PHKB: variants seen among roughly 807,000 people sequenced by gnomAD.
The protein encoded by PHKB is phosphorylase b kinase regulatory subunit beta.
A neutral mutation model predicts 152.1 loss-of-function variants in PHKB; 122 were observed. The observed-to-expected ratio is 0.80, with a 90% confidence interval of 0.69 to 0.93. PHKB has a LOEUF of 0.93. Among genes scored for constraint, PHKB ranks in the 40% least tolerant of loss-of-function variants. PHKB has a pLI of 0.00. For synonymous variants in PHKB, 436 were observed against 464.9 expected, an observed-to-expected ratio of 0.94 and a Z score of 0.80; for missense variants, 1,304 against 1,328.4, an observed-to-expected ratio of 0.98 and a Z score of 0.29.
At chr16:47,654,331 G>C (rs929291250) in intron 20 of PHKB, among the ~76,000 whole-genome samples, 35 of 152,154 alleles carry the variant, frequency 2.3e-4, no homozygotes, top group Non-Finnish European at 4.3e-4. Context: ...TGGAGAAATA[G>C]GAACACTTTT....
intron 29 of PHKB, among the ~76,000 whole-genome samples, chr16:47,697,930 C>T (rs1435033763): frequency 6.6e-6 from 1 of 152,140 alleles, no homozygotes. Flanking sequence ...TAAAACATGG[C>T]CATCCCTTGA....
In PHKB at chr16:47,699,486, C is replaced by A; in HGVS notation, c.*120C>A. The A allele has an allele frequency of 8.8e-7, 1 of 1,136,892 alleles. No individual in the cohort carries two copies. Among genetic ancestry groups the A allele is most frequent in the Non-Finnish European group, 1.3e-6 (1 of 746,410 alleles). 70.4% of individuals were successfully genotyped at this position (1,136,892 alleles called of 1,614,324 possible). ...CTGAGCATGCTGGGGAGGTGAATGCCACATCCTTGGCGGGGTTATGGACCT... is the reference window on the plus strand; with the variant it reads ...CTGAGCATGCTGGGGAGGTGAATGCAACATCCTTGGCGGGGTTATGGACCT... On this transcript the variant is annotated 3_prime_UTR_variant, in exon 31 of 31. Transcript: ENST00000323584.
intron 7 of PHKB, among the ~76,000 whole-genome samples, chr16:47,551,905 G>T (rs1304633650): frequency 6.6e-6 from 1 of 152,082 alleles, no homozygotes; most frequent in African/African-American, 2.4e-5. Flanking sequence ...TCCTGTATTG[G>T]GTGCACATAT....
intron 13 of PHKB, chr16:47,598,584 C>T: frequency 3.4e-6 from 3 of 888,546 alleles, no homozygotes; most frequent in Non-Finnish European, 5.3e-6. Flanking sequence ...GTAATATGAA[C>T]ACGCCCTCGA....
At chr16:47,695,003 T>C (rs562422484) in intron 28 of PHKB, among the ~76,000 whole-genome samples, 7 of 152,234 alleles carry the variant, frequency 4.6e-5, no homozygotes, top group Non-Finnish European at 8.8e-5. Flanking sequence ...TTTAATCCGT[T>C]AGACAATTTT....
chr16:47,565,668 T>TG, intron 7 of PHKB: 1 of 1,276,672 alleles, frequency 7.8e-7, no homozygotes, highest in South Asian at 1.2e-5. Context: ...CGACCATCCC[T>TG]GTTCCTGAGT....
In PHKB at chr16:47,542,553, T is replaced by C. The variant is rs1272055226; in HGVS notation, c.595-4880T>C. On this transcript the variant is annotated intron_variant, in intron 6 of 30. Transcript: ENST00000323584. ...TCTGTGAAGAAAGTCCTTGGCAGCT[T>C]GTTAGGGATGGCATTGAATCTATGA... is the stretch of plus-strand genomic sequence containing the variant. 2.6e-5 allele frequency among the ~76,000 whole-genome samples: 4 copies of C among 152,196 alleles called. No homozygotes were observed. In the East Asian group the frequency reaches 7.7e-4, roughly 29 times the overall value.
chr16:47,565,390 C>A, intron 7 of PHKB: 1 of 1,101,040 alleles, frequency 9.1e-7, no homozygotes, highest in Admixed American at 1.7e-5. Context: ...CTACTTTTCC[C>A]CCACCACTTG....
intron 6 of PHKB, among the ~76,000 whole-genome samples, chr16:47,527,852 C>T (rs1970794149): frequency 6.6e-6 from 1 of 152,052 alleles, no homozygotes; most frequent in African/African-American, 2.4e-5. Context: ...AAGGAAAGGC[C>T]ACATGAGGAC....
chr16:47,667,532 C>G (rs953117497), intron 25 of PHKB, among the ~76,000 whole-genome samples: 3 of 152,110 alleles, frequency 2.0e-5, no homozygotes, highest in African/African-American at 7.2e-5. Context: ...ATTTTTATCC[C>G]TGTTTGTTGG....
At chr16:47,663,143 G>A (rs1010045218) in intron 23 of PHKB, among the ~76,000 whole-genome samples, 15 of 152,032 alleles carry the variant, frequency 9.9e-5, no homozygotes, top group South Asian at 2.1e-4. Context: ...TCTTTTTGGC[G>A]CTCTTTCCTG....
chr16:47,683,039 T>C (rs548604448), intron 26 of PHKB, among the ~76,000 whole-genome samples: 3 of 152,352 alleles, frequency 2.0e-5, no homozygotes, highest in East Asian at 1.9e-4. Context: ...CTCCAGACCC[T>C]CTTTGCCTGG....
intron 23 of PHKB, among the ~76,000 whole-genome samples, chr16:47,662,383 G>A (rs775537092): frequency 7.9e-5 from 12 of 152,152 alleles, no homozygotes; most frequent in East Asian, 1.9e-4. Context: ...ACCATGGTCC[G>A]CTTCTGACAT....
chr16:47,687,850 G>A (rs1040013998), intron 26 of PHKB, among the ~76,000 whole-genome samples: 4 of 152,198 alleles, frequency 2.6e-5, no homozygotes, highest in African/African-American at 9.6e-5. Flanking sequence ...ATGTTACCCT[G>A]TGGCTTATGG....
chr16:47,641,502 C>G, intron 15 of PHKB, 97 bp from the exon 16 acceptor site: 2 of 732,442 alleles, frequency 2.7e-6, no homozygotes, highest in Non-Finnish European at 5.0e-6. Flanking sequence ...TAATGCCCTC[C>G]AAGTTAACAT....
intron 27 of PHKB, among the ~76,000 whole-genome samples, chr16:47,691,417 G>A (rs1974057539): frequency 6.6e-6 from 1 of 152,142 alleles, no homozygotes; most frequent in African/African-American, 2.4e-5. Flanking sequence ...AACAAGAGTA[G>A]AGGAAGGCCA....
rs538093429 is a variant in PHKB at position 47,700,867 on chromosome 16, A to G, written c.*1501A>G. On this transcript the variant is annotated 3_prime_UTR_variant, in exon 31 of 31. Coordinates refer to ENST00000323584, the MANE Select transcript of PHKB (RefSeq NM_000293.3). ...ATATCAAATGAATGGATGTGTGAGC[A>G]CATGGAAAAATCTGCTGTCAGTCAC... The G allele has an allele frequency of 2.0e-5, 3 of 152,344 alleles. 1 individual carries two copies. In the South Asian group the frequency reaches 6.2e-4, roughly 32 times the overall value. The allele number at this position is 152,344 out of a possible 1,614,324, so 9.4% of individuals were successfully genotyped here. A position where few individuals can be genotyped will look rare whatever the true frequency, so the allele number is the denominator to read the frequency against.
chr16:47,626,432 G>C (rs1267268783), intron 14 of PHKB, among the ~76,000 whole-genome samples: 1 of 152,224 alleles, frequency 6.6e-6, no homozygotes, highest in Non-Finnish European at 1.5e-5. Context: ...GAAGAAAGTA[G>C]AGCAGGTTTT....
intron 7 of PHKB, chr16:47,565,410 C>T: frequency 1.6e-6 from 2 of 1,222,434 alleles, no homozygotes; most frequent in Non-Finnish European, 1.2e-6. Context: ...GTAGGGATTG[C>T]TGCTCTGTAT....
Sources: gnomAD v4.1 joint callset for allele counts (sites outside exome capture counted in the v4.1 genomes callset) on GRCh38, gnomAD v4.1.1 for gene constraint, MANE v1.5 for transcripts, NCBI Gene and HGNC (gene_info 2026-07-23, HGNC 2026-07-21) for gene names.